Variants in DMD observed in about 807,000 individuals in gnomAD.
The protein encoded by DMD is mutant dystrophin.
A neutral mutation model predicts 330.1 loss-of-function variants in DMD; 63 were observed. That is an observed-to-expected ratio of 0.19 (90% confidence interval 0.16 to 0.24). The LOEUF is 0.24. DMD is among the 10% of genes least tolerant of loss of function. The pLI is 1.00. For synonymous variants in DMD, 1,223 were observed against 959.8 expected, an observed-to-expected ratio of 1.27 and a Z score of -5.07; for missense variants, 3,344 against 2,684.1, an observed-to-expected ratio of 1.25 and a Z score of -5.43.
chrX:33,208,819 T>C (rs2051727091), intron 1 of DMD, among the ~76,000 whole-genome samples: 1 of 110,699 alleles, frequency 9.0e-6, no homozygotes, highest in Non-Finnish European at 1.9e-5. Context: ...CAATAGAAGG[T>C]GGAAGGAGAA....
chrX:32,040,326 T>A (rs1010487214), intron 44 of DMD, among the ~76,000 whole-genome samples: 1 of 111,731 alleles, frequency 9.0e-6, no homozygotes, highest in Admixed American at 9.5e-5. Flanking sequence ...AACAATGCCT[T>A]CATATTTTTT....
chrX:31,814,775 T>C, intron 50 of DMD, among the ~76,000 whole-genome samples: 1 of 111,986 alleles, frequency 8.9e-6, no homozygotes, highest in South Asian at 3.7e-4. Flanking sequence ...CCATCTGCCA[T>C]GCAAGCCTTC....
chrX:31,380,474 T>C (rs4501738), intron 60 of DMD, among the ~76,000 whole-genome samples: 51,078 of 108,837 alleles, frequency 0.47, 9,606 homozygotes, highest in Non-Finnish European at 0.59. Context: ...TCACCCTTAC[T>C]CCGCTCAATG....
At chrX:31,729,956 C>G (rs781022399) in intron 51 of DMD, among the ~76,000 whole-genome samples, 69 of 112,069 alleles carry the variant, frequency 6.2e-4, no homozygotes, top group African/African-American at 2.2e-3. Context: ...AAAATCTTGA[C>G]TATAGATTTT....
chrX:32,183,586 A>ATATG (rs372883969), intron 44 of DMD, among the ~76,000 whole-genome samples: 21,034 of 98,426 alleles, frequency 0.21, 2,570 homozygotes, highest in Admixed American at 0.38. Flanking sequence ...ATATATATAT[A>ATATG]TATGTATGTA....
At chrX:33,210,879 T>C (rs2051866664) in intron 1 of DMD, among the ~76,000 whole-genome samples, 1 of 111,635 alleles carries the variant, frequency 9.0e-6, no homozygotes. Context: ...TGAGAATATA[T>C]GTCAGGTCAG....
chrX:32,690,543 T>G (rs1261019455), intron 9 of DMD, among the ~76,000 whole-genome samples: 6 of 111,538 alleles, frequency 5.4e-5, no homozygotes, highest in South Asian at 3.7e-4. Context: ...TAAATCAACC[T>G]TGAGAAAGAA....
chrX:32,890,460 T>C (rs1001934533), intron 2 of DMD, among the ~76,000 whole-genome samples: 3 of 109,848 alleles, frequency 2.7e-5, no homozygotes, highest in Admixed American at 2.0e-4. Flanking sequence ...GGGGGACTCA[T>C]TATCTGGGAA....
rs756150212 is a variant in DMD, at chrX:32,307,342, A to AG, written c.6117+2739dup. Among the ~76,000 whole-genome samples, 3 of 111,581 alleles carry AG rather than the reference A, an allele frequency of 2.7e-5. No homozygotes were observed. The South Asian group carries it at 1.1e-3, about 41-fold the overall frequency. ...TACCCTAACTGAAGAATGAGTGAGT[A>AG]GTGGTATTTATCCACCAAAAGTTAT... is the stretch of plus-strand genomic sequence containing the variant. On this transcript the variant is annotated intron_variant, in intron 42 of 78. Coordinates refer to ENST00000357033, the MANE Select transcript of DMD (RefSeq NM_004006.3).
intron 45 of DMD, among the ~76,000 whole-genome samples, chrX:31,948,476 C>T (rs968622012): frequency 2.7e-5 from 3 of 111,180 alleles, no homozygotes; most frequent in African/African-American, 9.8e-5. Context: ...ATCATTTTTC[C>T]ATTACCACCT....
chrX:31,582,474 G>A (rs1392269744), intron 55 of DMD, among the ~76,000 whole-genome samples: 2 of 111,848 alleles, frequency 1.8e-5, no homozygotes, highest in Non-Finnish European at 3.8e-5. Flanking sequence ...TTTCAAACAT[G>A]AGTATGGGGG....
At chrX:32,223,821 A>T (rs1236964176) in intron 43 of DMD, among the ~76,000 whole-genome samples, 1 of 111,794 alleles carries the variant, frequency 8.9e-6, no homozygotes, top group Non-Finnish European at 1.9e-5. Flanking sequence ...CTGGACCATT[A>T]ATGGGACTTA....
At chrX:32,697,765 C>T (rs928363158) in intron 9 of DMD, 105 bp downstream of exon 9, 32 of 1,089,077 alleles carry the variant, frequency 2.9e-5, no homozygotes, top group Middle Eastern at 2.4e-4. Flanking sequence ...CAGCTCTTCA[C>T]GAGGAGATAA....
At chrX:32,364,822 G>C (rs1156441633) in intron 35 of DMD, 112 bp from the exon 36 acceptor site, 5 of 865,759 alleles carry the variant, frequency 5.8e-6, no homozygotes, top group Non-Finnish European at 8.2e-6. Flanking sequence ...ATTGAGATTA[G>C]TTTTAAGTGG....
intron 7 of DMD, among the ~76,000 whole-genome samples, chrX:32,707,366 T>A (rs1012461228): frequency 8.9e-6 from 1 of 111,995 alleles, no homozygotes; most frequent in Non-Finnish European, 1.9e-5. Flanking sequence ...CTGGGATAGT[T>A]TTTGGAAATT....
At chrX:33,059,494 A>C (rs1009490314) in intron 1 of DMD, among the ~76,000 whole-genome samples, 2 of 110,983 alleles carry the variant, frequency 1.8e-5, no homozygotes, top group African/African-American at 6.6e-5. Context: ...CAAATGAATA[A>C]TCTTTTGCTA....
At chrX:31,632,912 TTAGTA>T (rs2148457185) in intron 54 of DMD, among the ~76,000 whole-genome samples, 1 of 112,164 alleles carries the variant, frequency 8.9e-6, no homozygotes, top group Admixed American at 9.5e-5. Context: ...AGCAATTCTA[TTAGTA>T]ACGTGCACTA....
At chrX:32,583,665 C>T (rs2053907329) in intron 13 of DMD, 1 of 111,279 alleles carries the variant, frequency 9.0e-6, no homozygotes, top group Admixed American at 9.6e-5. Context: ...TCAAAGATGA[C>T]ACCACAGAAT....
chrX:31,254,554 G>A (rs964345195), intron 63 of DMD, among the ~76,000 whole-genome samples: 7 of 110,339 alleles, frequency 6.3e-5, no homozygotes, highest in Non-Finnish European at 1.3e-4. Flanking sequence ...ATGGGGAGAC[G>A]GGGTTTCACC....
Sources: gnomAD v4.1 joint callset for allele counts (sites outside exome capture counted in the v4.1 genomes callset) on GRCh38, gnomAD v4.1.1 for gene constraint, MANE v1.5 for transcripts, NCBI Gene and HGNC (gene_info 2026-07-23, HGNC 2026-07-21) for gene names.